SIRPB2: variants seen among roughly 807,000 people sequenced by gnomAD.
SIRPB2 encodes the protein signal-regulatory protein beta-2.
A neutral mutation model predicts 27.1 loss-of-function variants in SIRPB2; 18 were observed. The observed-to-expected ratio is 0.66, with a 90% CI of 0.46 to 0.98. SIRPB2 has a LOEUF of 0.98. SIRPB2 is among the 50% of genes least tolerant of loss of function. The pLI is 0.00. For missense variants in SIRPB2, 420 were observed against 417.4 expected (o/e 1.01, Z -0.06); for synonymous variants, 150 against 164.6 (o/e 0.91, Z 0.68).
intron 1 of SIRPB2, among the ~76,000 whole-genome samples, chr20:1,482,575 T>TTCCC (rs150565205): frequency 1.3e-3 from 195 of 148,250 alleles, no homozygotes; most frequent in Non-Finnish European, 2.3e-3. Context: ...CTCTTTCTCC[T>TTCCC]TCCCTCCCTC....
At chr20:1,476,359 C>T (rs2123005287) in intron 4 of SIRPB2, 23 bp from the exon 5 acceptor site, 4 of 1,598,134 alleles carry the variant, frequency 2.5e-6, no homozygotes, top group Non-Finnish European at 3.4e-6. Flanking sequence ...GGAGAGAGCT[C>T]AGGCGGGACC....
intron 4 of SIRPB2, chr20:1,476,564 C>T (rs1434267603): frequency 7.5e-6 from 3 of 400,450 alleles, no homozygotes; most frequent in Non-Finnish European, 1.0e-5. Context: ...AGTCACATCC[C>T]TAACCTCTGC....
At chr20:1,489,011 T>C (rs1431917714) in intron 1 of SIRPB2, among the ~76,000 whole-genome samples, 1 of 152,142 alleles carries the variant, frequency 6.6e-6, no homozygotes, top group Non-Finnish European at 1.5e-5. Context: ...ATCCATACAA[T>C]GGATAGACAT....
chr20:1,488,694 G>A (rs1356117533), intron 1 of SIRPB2, among the ~76,000 whole-genome samples: 1 of 151,982 alleles, frequency 6.6e-6, no homozygotes, highest in Non-Finnish European at 1.5e-5. Context: ...CCATTAGAAT[G>A]ACTAAAATTA....
chr20:1,479,575 A>T, intron 2 of SIRPB2, 125 bp downstream of exon 2: 2 of 1,408,802 alleles, frequency 1.4e-6, no homozygotes, highest in South Asian at 1.4e-5. Flanking sequence ...GCATGTAGAG[A>T]TACAAATATG....
chr20:1,477,971 G>A (rs1286807880), intron 3 of SIRPB2: 1 of 531,278 alleles, frequency 1.9e-6, no homozygotes, highest in Non-Finnish European at 3.6e-6. Flanking sequence ...ACGGTGCCTG[G>A]CCAATGTTTG....
intron 3 of SIRPB2, 46 bp from the exon 4 acceptor site, chr20:1,477,449 C>G (rs1324547685): frequency 6.4e-7 from 1 of 1,569,964 alleles, no homozygotes; most frequent in East Asian, 2.2e-5. Context: ...ATCTTTATCT[C>G]CCACCACTTC....
At chr20:1,478,146 G>T in intron 3 of SIRPB2, 120 bp downstream of exon 3, 1 of 934,186 alleles carries the variant, frequency 1.1e-6, no homozygotes, top group Non-Finnish European at 1.7e-6. Context: ...TCCAGGTAGA[G>T]GGAAAAACTT....
At chr20:1,486,436 A>C (rs1184800032) in intron 1 of SIRPB2, among the ~76,000 whole-genome samples, 1 of 152,128 alleles carries the variant, frequency 6.6e-6, no homozygotes, top group Non-Finnish European at 1.5e-5. Flanking sequence ...TAGAAAATTG[A>C]AAAAAGGAGC....
chr20:1,470,935 A>T (rs2090579588), downstream of SIRPB2: 1 of 152,208 alleles, frequency 6.6e-6, no homozygotes, highest in African/African-American at 2.4e-5. Flanking sequence ...TCGTTCTTTC[A>T]GAGTGTACTG....
intron 1 of SIRPB2, among the ~76,000 whole-genome samples, chr20:1,481,529 T>C (rs2090670970): frequency 6.6e-6 from 1 of 152,192 alleles, no homozygotes; most frequent in Admixed American, 6.5e-5. Flanking sequence ...TCAGTCTCAC[T>C]CCACACATTT....
At chr20:1,486,445 G>A (rs2090727399) in intron 1 of SIRPB2, among the ~76,000 whole-genome samples, 1 of 152,004 alleles carries the variant, frequency 6.6e-6, no homozygotes, top group South Asian at 2.1e-4. Context: ...GAAAAAAGGA[G>A]CATACTTTTC....
At chr20:1,483,428 A>C (rs2090693768) in intron 1 of SIRPB2, among the ~76,000 whole-genome samples, 1 of 152,040 alleles carries the variant, frequency 6.6e-6, no homozygotes, top group Non-Finnish European at 1.5e-5. Context: ...CTTTTTAACA[A>C]TAGCCATTCT....
At chr20:1,481,535 C>T (rs559655897) in intron 1 of SIRPB2, among the ~76,000 whole-genome samples, 1 of 152,270 alleles carries the variant, frequency 6.6e-6, no homozygotes, top group Admixed American at 6.5e-5. Flanking sequence ...TCACTCCACA[C>T]ATTTGTTTGC....
intron 1 of SIRPB2, chr20:1,480,361 C>A (rs2090658834): frequency 6.3e-6 from 2 of 317,256 alleles, no homozygotes; most frequent in Non-Finnish European, 1.2e-5. Flanking sequence ...TAAATGGCAT[C>A]ATTCCCATTT....
intron 1 of SIRPB2, chr20:1,480,351 T>A (rs1269006566): frequency 2.9e-6 from 1 of 346,122 alleles, no homozygotes; most frequent in Non-Finnish European, 5.3e-6. Flanking sequence ...TTCTGTAAGG[T>A]AAATGGCATC....
At position 1,475,311 on chromosome 20, in the gene SIRPB2, T is replaced by G. The variant is rs2090597308; in HGVS notation, c.*856A>C. On this transcript the variant is annotated 3_prime_UTR_variant, in exon 5 of 5. Coordinates refer to ENST00000359801, the MANE Select transcript of SIRPB2 (RefSeq NM_001122962.2). ...ACTGGTTATCCCCTGATATCTGCCA[T>G]CTGGTTTCTCTAGTGAAAACTTGCA... 6.6e-6 allele frequency: 1 copy of G among 152,218 alleles called. No homozygotes were observed. The highest frequency in any genetic ancestry group is 1.5e-5 in the Non-Finnish European group (1 of 68,050). The allele number at this position is 152,218 out of a possible 1,614,324, so 9.4% of individuals were successfully genotyped here.
At chr20:1,472,525 T>C (rs1020563722), downstream of SIRPB2, 9 of 152,200 alleles carry the variant, frequency 5.9e-5, no homozygotes, top group Admixed American at 4.6e-4. Context: ...GGATAGTGAC[T>C]ACAGTTTATA....
chr20:1,480,795 C>T (rs2090663951), intron 1 of SIRPB2, among the ~76,000 whole-genome samples: 1 of 152,208 alleles, frequency 6.6e-6, no homozygotes, highest in Non-Finnish European at 1.5e-5. Flanking sequence ...AGCTCTGGCA[C>T]ACTCAGACAT....
Sources: gnomAD v4.1 joint callset for allele counts (sites outside exome capture counted in the v4.1 genomes callset) on GRCh38, gnomAD v4.1.1 for gene constraint, MANE v1.5 for transcripts, NCBI Gene and HGNC (gene_info 2026-07-23, HGNC 2026-07-21) for gene names.